Variants in PLD5 observed in about 807,000 individuals in gnomAD.
PLD5 encodes the protein inactive phospholipase D5.
A neutral mutation model predicts 61.1 loss-of-function variants in PLD5; 36 were observed. The ratio of observed to expected loss-of-function variants is 0.59; its 90% CI spans 0.45 to 0.78. The LOEUF (loss-of-function observed/expected upper bound fraction) is 0.78, where lower values mean the gene tolerates loss of function less well. Among genes scored for constraint, PLD5 ranks in the 30% least tolerant of loss-of-function variants. The probability of loss-of-function intolerance (pLI) is 0.00; values close to 1 mark genes in which losing one functional copy is unlikely to be tolerated. For synonymous variants in PLD5, 243 were observed against 242.8 expected (o/e 1.00, Z -0.01); for missense variants, 515 against 644.4 (o/e 0.80, Z 2.17).
intron 1 of PLD5, among the ~76,000 whole-genome samples, chr1:242,522,096 A>C (rs1503803): frequency 0.42 from 64,498 of 151,776 alleles, 14,562 homozygotes; most frequent in African/African-American, 0.58. Context: ...TTAAAGCCCC[A>C]TTTCTAATTG....
At chr1:242,459,480 G>A (rs1667047441) in intron 1 of PLD5, among the ~76,000 whole-genome samples, 1 of 152,174 alleles carries the variant, frequency 6.6e-6, no homozygotes, top group East Asian at 1.9e-4. Flanking sequence ...TTGTTCATGT[G>A]TAAAATTGGA....
intron 2 of PLD5, among the ~76,000 whole-genome samples, chr1:242,330,820 T>C (rs1303932621): frequency 6.6e-6 from 1 of 152,198 alleles, no homozygotes; most frequent in African/African-American, 2.4e-5. Context: ...GACATACTTT[T>C]AGAGGAAAAA....
rs1574459458 is a variant in PLD5 at position 242,177,626 on chromosome 1, T to C, written c.735+42362A>G. 1.3e-5 allele frequency: 2 copies of C among 152,198 alleles called. 1 individual carries two copies. Among genetic ancestry groups the C allele is most frequent in the South Asian group, 4.1e-4 (2 of 4,834 alleles). 9.4% of individuals were successfully genotyped at this position (152,198 alleles called of 1,614,324 possible). A position where few individuals can be genotyped will look rare whatever the true frequency, so the allele number is the denominator to read the frequency against. On this transcript the variant is annotated intron_variant, in intron 5 of 9. Coordinates refer to ENST00000536534, the MANE Select transcript of PLD5 (RefSeq NM_001372062.1). ...CAATTCCAGGTAAATGCTTTTAAAT[T>C]AGAGCAGGTCAACCTAATTGTTTTT...
chr1:242,477,505 T>G (rs1399971624), intron 1 of PLD5, among the ~76,000 whole-genome samples: 1 of 152,166 alleles, frequency 6.6e-6, no homozygotes, highest in African/African-American at 2.4e-5. Context: ...GGGAAGCACA[T>G]TATGCGCCAA....
intron 2 of PLD5, among the ~76,000 whole-genome samples, chr1:242,336,860 A>C (rs1269665642): frequency 6.6e-6 from 1 of 152,252 alleles, no homozygotes; most frequent in Non-Finnish European, 1.5e-5. Flanking sequence ...TGAGTTTTGT[A>C]GATTAACCTG....
intron 1 of PLD5, among the ~76,000 whole-genome samples, chr1:242,446,025 A>G (rs1472922114): frequency 6.6e-6 from 1 of 151,876 alleles, no homozygotes; most frequent in Non-Finnish European, 1.5e-5. Context: ...TATTAATGTA[A>G]TCTTCACGAT....
intron 1 of PLD5, among the ~76,000 whole-genome samples, chr1:242,369,575 C>T (rs1277113621): frequency 6.6e-6 from 1 of 152,142 alleles, no homozygotes. Context: ...AATGGAATCA[C>T]ATAAAACTAT....
intron 5 of PLD5, among the ~76,000 whole-genome samples, chr1:242,164,167 G>A (rs1236053396): frequency 8.9e-5 from 13 of 145,888 alleles, no homozygotes; most frequent in Admixed American, 6.8e-5. Flanking sequence ...TCTGAATGCA[G>A]AAAAAAAAAA....
rs555931727 is a variant in PLD5 at position 242,257,782 on chromosome 1, T to A, written c.607+7555A>T. ...TAAAATCAATTTAAAAGATTTATTTTTTTTTTAAAGACCAAACAGCACCTA... is the reference window on the plus strand; with the variant it reads ...TAAAATCAATTTAAAAGATTTATTTATTTTTTAAAGACCAAACAGCACCTA... On this transcript the variant is annotated intron_variant, in intron 4 of 9. Coordinates refer to ENST00000536534, the MANE Select transcript of PLD5 (RefSeq NM_001372062.1). Among the ~76,000 whole-genome samples the A allele has an allele frequency of 7.9e-5, 12 of 152,356 alleles. No individual in the cohort carries two copies. The East Asian group carries it at 2.3e-3, about 29-fold the overall frequency.
At chr1:242,343,766 CA>C (rs1205089539) in intron 2 of PLD5, among the ~76,000 whole-genome samples, 93 of 101,226 alleles carry the variant, frequency 9.2e-4, no homozygotes, top group Admixed American at 1.8e-3. Context: ...CAGATCGAGG[CA>C]AAAAAAAAAA....
intron 5 of PLD5, among the ~76,000 whole-genome samples, chr1:242,177,488 A>C (rs1667238914): frequency 6.6e-6 from 1 of 152,176 alleles, no homozygotes. Flanking sequence ...TGGGTGCAGC[A>C]AACCACCATG....
intron 5 of PLD5, among the ~76,000 whole-genome samples, chr1:242,131,304 C>A (rs1663225672): frequency 6.6e-6 from 1 of 151,438 alleles, no homozygotes; most frequent in Non-Finnish European, 1.5e-5. Context: ...GACTCTGTCT[C>A]AAAAAAAACA....
intron 5 of PLD5, among the ~76,000 whole-genome samples, chr1:242,152,357 A>G (rs779315612): frequency 2.0e-5 from 3 of 151,528 alleles, no homozygotes; most frequent in African/African-American, 7.3e-5. Context: ...TAATGTCCCT[A>G]TTTTTTTTCT....
At chr1:242,526,583 A>C (rs920234176), upstream of PLD5, among the ~76,000 whole-genome samples, 2 of 152,114 alleles carry the variant, frequency 1.3e-5, no homozygotes, top group African/African-American at 2.4e-5. Flanking sequence ...CTACAGGTGC[A>C]CGTCACCACG....
intron 5 of PLD5, among the ~76,000 whole-genome samples, chr1:242,214,013 C>A (rs560704824): frequency 7.9e-5 from 12 of 152,238 alleles, no homozygotes; most frequent in African/African-American, 2.4e-4. Context: ...AAAAGCAATT[C>A]AAAGCAGTAT....
intron 1 of PLD5, among the ~76,000 whole-genome samples, chr1:242,376,402 C>T (rs556274023): frequency 3.9e-5 from 6 of 152,276 alleles, no homozygotes; most frequent in African/African-American, 1.2e-4. Context: ...GCAGGCACAT[C>T]GAGGAAGTGC....
intron 2 of PLD5, among the ~76,000 whole-genome samples, chr1:242,326,558 TC>T (rs1291623403): frequency 6.6e-6 from 1 of 152,074 alleles, no homozygotes; most frequent in African/African-American, 2.4e-5. Flanking sequence ...CCCCCATCCC[TC>T]CTTCTGGCTT....
chr1:242,160,425 G>A (rs1358434911), intron 5 of PLD5, among the ~76,000 whole-genome samples: 2 of 152,132 alleles, frequency 1.3e-5, no homozygotes, highest in African/African-American at 4.8e-5. Context: ...TCACTGAGTT[G>A]TTCAACATAA....
At chr1:242,161,823 C>A (rs1665859555) in intron 5 of PLD5, among the ~76,000 whole-genome samples, 1 of 152,126 alleles carries the variant, frequency 6.6e-6, no homozygotes, top group Admixed American at 6.5e-5. Flanking sequence ...GATGATTTCT[C>A]AATCAAGACA....
Sources: gnomAD v4.1 joint callset for allele counts (sites outside exome capture counted in the v4.1 genomes callset) on GRCh38, gnomAD v4.1.1 for gene constraint, MANE v1.5 for transcripts, NCBI Gene and HGNC (gene_info 2026-07-23, HGNC 2026-07-21) for gene names.